The following PPP3R1 variants were observed in gnomAD, a reference collection of about 807,000 sequenced individuals.
PPP3R1 encodes the protein calcineurin subunit B type 1.
A neutral mutation model predicts 22.6 loss-of-function variants in PPP3R1; 5 were observed. That is an observed-to-expected ratio of 0.22 (90% confidence interval 0.12 to 0.46). The LOEUF (loss-of-function observed/expected upper bound fraction) is 0.46. Among genes scored for constraint, PPP3R1 ranks in the 20% least tolerant of loss-of-function variants. The probability of loss-of-function intolerance (pLI) is 0.99; values close to 1 mark genes in which losing one functional copy is unlikely to be tolerated. For synonymous variants in PPP3R1, 56 were observed against 65.2 expected (o/e 0.86, Z 0.68); for missense variants, 61 against 203.2 (o/e 0.30, Z 4.25).
intron 1 of PPP3R1, among the ~76,000 whole-genome samples, chr2:68,230,706 G>A (rs541183853): frequency 2.2e-4 from 34 of 152,076 alleles, no homozygotes; most frequent in Non-Finnish European, 4.0e-4. Flanking sequence ...AAGTCTGCTG[G>A]TGACATACTC....
At chr2:68,185,126 G>T (rs1674507353) in intron 5 of PPP3R1, among the ~76,000 whole-genome samples, 1 of 151,674 alleles carries the variant, frequency 6.6e-6, no homozygotes, top group Non-Finnish European at 1.5e-5. Flanking sequence ...GGCTGAGGCA[G>T]GAAAATCACT....
chr2:68,208,864 AG>A (rs1219878168), intron 2 of PPP3R1, among the ~76,000 whole-genome samples: 1 of 151,762 alleles, frequency 6.6e-6, no homozygotes, highest in Non-Finnish European at 1.5e-5. Context: ...TGGAGGCTGC[AG>A]TGAGCCGAGA....
rs550547557 is a variant in PPP3R1, at chr2:68,219,476, A to G, written c.4-2345T>C. 2.6e-5 allele frequency among the ~76,000 whole-genome samples: 4 copies of G among 152,252 alleles called. No homozygotes were observed. In the South Asian group the frequency reaches 8.3e-4, roughly 32 times the overall value. ...GCTTCTTAAGCTACTACCTGGGAGT[A>G]TTACATTTATCAGTAATTGTTTCAT... On this transcript the variant is annotated intron_variant, in intron 1 of 5. Transcript: ENST00000234310.
chr2:68,221,613 T>C (rs1669690221), intron 1 of PPP3R1, among the ~76,000 whole-genome samples: 1 of 152,078 alleles, frequency 6.6e-6, no homozygotes, highest in Non-Finnish European at 1.5e-5. Context: ...CCCCAAATCT[T>C]CCAAATTTGA....
At chr2:68,224,180 T>C (rs962272814) in intron 1 of PPP3R1, among the ~76,000 whole-genome samples, 1 of 152,188 alleles carries the variant, frequency 6.6e-6, no homozygotes, top group Non-Finnish European at 1.5e-5. Flanking sequence ...CTCAATGTTG[T>C]TAAGATGGCA....
At chr2:68,203,315 T>A (rs1187727016) in intron 2 of PPP3R1, among the ~76,000 whole-genome samples, 1 of 152,126 alleles carries the variant, frequency 6.6e-6, no homozygotes, top group Non-Finnish European at 1.5e-5. Flanking sequence ...TAAATGGCAT[T>A]TTAGGGCCAG....
chr2:68,245,368 GA>G (rs201353551), intron 1 of PPP3R1, among the ~76,000 whole-genome samples: 1 of 150,622 alleles, frequency 6.6e-6, no homozygotes, highest in African/African-American at 2.4e-5. Flanking sequence ...TCTCCAAAAA[GA>G]AAAAAAAATT....
chr2:68,194,110 T>C (rs1674720816), intron 2 of PPP3R1, among the ~76,000 whole-genome samples: 1 of 152,122 alleles, frequency 6.6e-6, no homozygotes, highest in African/African-American at 2.4e-5. Context: ...ACATATTCAA[T>C]TGACATTATA....
intron 5 of PPP3R1, among the ~76,000 whole-genome samples, chr2:68,182,683 C>T (rs1674439842): frequency 6.9e-6 from 1 of 145,152 alleles, no homozygotes; most frequent in African/African-American, 2.6e-5. Context: ...AAAGATTAGG[C>T]GGCATGACTC....
intron 1 of PPP3R1, among the ~76,000 whole-genome samples, chr2:68,251,350 G>A (rs1049144799): frequency 5.9e-5 from 9 of 152,180 alleles, no homozygotes; most frequent in African/African-American, 2.2e-4. Flanking sequence ...CACTCCAAGA[G>A]AGAGACACAA....
At chr2:68,214,552 G>C (rs1669540687) in intron 2 of PPP3R1, among the ~76,000 whole-genome samples, 1 of 152,106 alleles carries the variant, frequency 6.6e-6, no homozygotes, top group African/African-American at 2.4e-5. Flanking sequence ...CTAATCATTA[G>C]AGAAATGCAA....
intron 1 of PPP3R1, among the ~76,000 whole-genome samples, chr2:68,245,653 C>A (rs1361093363): frequency 6.6e-6 from 1 of 152,182 alleles, no homozygotes; most frequent in Non-Finnish European, 1.5e-5. Flanking sequence ...TATTTGCTTT[C>A]AAATCCTTAT....
chr2:68,201,466 A>G (rs1238229524), intron 2 of PPP3R1, among the ~76,000 whole-genome samples: 1 of 152,174 alleles, frequency 6.6e-6, no homozygotes, highest in African/African-American at 2.4e-5. Context: ...CACATAATTC[A>G]TATAACGGCT....
At chr2:68,244,755 T>G (rs2103813400) in intron 1 of PPP3R1, among the ~76,000 whole-genome samples, 1 of 152,128 alleles carries the variant, frequency 6.6e-6, no homozygotes, top group Admixed American at 6.5e-5. Flanking sequence ...CTTTCATAAA[T>G]GTCTCAAAAA....
chr2:68,223,134 G>A (rs1419569780), intron 1 of PPP3R1, among the ~76,000 whole-genome samples: 4 of 152,130 alleles, frequency 2.6e-5, no homozygotes, highest in Admixed American at 6.5e-5. Context: ...GGTGGCTCAC[G>A]CCTATAATCC....
In PPP3R1 at chr2:68,180,608, T is replaced by C. The variant is rs1343178163; in HGVS notation, c.*355A>G. The C allele has an allele frequency of 6.4e-6, 1 of 155,070 alleles. No homozygotes were observed. The highest frequency in any genetic ancestry group is 2.4e-5 in the African/African-American group (1 of 41,526). 9.6% of individuals were successfully genotyped at this position (155,070 alleles called of 1,614,324 possible). ...AATTAAAGCCAACCTACTACATATA[T>C]AGAAAGCTACATATATCTATATATA... On this transcript the variant is annotated 3_prime_UTR_variant, in exon 6 of 6. Coordinates refer to ENST00000234310, the MANE Select transcript of PPP3R1 (RefSeq NM_000945.4).
At chr2:68,249,730 A>G (rs1670305580) in intron 1 of PPP3R1, among the ~76,000 whole-genome samples, 1 of 150,762 alleles carries the variant, frequency 6.6e-6, no homozygotes, top group Non-Finnish European at 1.5e-5. Flanking sequence ...AACTTTCAGG[A>G]AAAAAAAAAA....
intron 2 of PPP3R1, among the ~76,000 whole-genome samples, chr2:68,201,221 G>A (rs1674968867): frequency 6.6e-6 from 1 of 151,704 alleles, no homozygotes; most frequent in African/African-American, 2.4e-5. Flanking sequence ...CCTTTCTTTA[G>A]CTTTGTACCA....
chr2:68,234,016 C>T lies in PPP3R1; in HGVS notation c.4-16885G>A, dbSNP rs138329760. On this transcript the variant is annotated intron_variant, in intron 1 of 5. Transcript: ENST00000234310. Reference sequence around the variant, plus strand: ...CTTTACATACATTATCTCATTTATCCTCCCAAACAATCCCCTGGGTAAACA... The same window carrying T: ...CTTTACATACATTATCTCATTTATCTTCCCAAACAATCCCCTGGGTAAACA... Among the ~76,000 whole-genome samples, 430 of 152,222 alleles carry T rather than the reference C, an allele frequency of 2.8e-3. 2 individuals carry two copies. The highest frequency in any genetic ancestry group is 6.6e-3 in the African/African-American group (275 of 41,526).
Sources: allele counts gnomAD v4.1 joint callset (sites outside exome capture counted in the v4.1 genomes callset), GRCh38; gene constraint gnomAD v4.1.1; transcripts MANE v1.5; gene names NCBI Gene and HGNC (gene_info 2026-07-23, HGNC 2026-07-21).